The following LPP variants were observed in gnomAD, a reference collection of about 807,000 sequenced individuals.
LPP encodes lipoma-preferred partner.
LPP carries 38 observed loss-of-function variants against 60.4 expected under a neutral mutation model. That is an observed-to-expected ratio of 0.63 (90% confidence interval 0.49 to 0.83). The LOEUF (loss-of-function observed/expected upper bound fraction) is 0.83. Among genes scored for constraint, LPP ranks in the 40% least tolerant of loss-of-function variants. The pLI is 0.00. For missense variants in LPP, 902 were observed against 783.6 expected (o/e 1.15, Z -1.80); for synonymous variants, 328 against 290.8 (o/e 1.13, Z -1.30).
chr3:188,440,845 A>G (rs190384016), intron 4 of LPP, among the ~76,000 whole-genome samples: 1 of 152,248 alleles, frequency 6.6e-6, no homozygotes, highest in Non-Finnish European at 1.5e-5. Context: ...GCTGGCATAG[A>G]AAACTTTGCA....
chr3:188,799,422 T>C (rs963953341), intron 9 of LPP, among the ~76,000 whole-genome samples: 6 of 152,234 alleles, frequency 3.9e-5, no homozygotes, highest in Non-Finnish European at 8.8e-5. Context: ...GCAAGAATTG[T>C]TGAAGCTTGA....
At chr3:188,849,693 A>T (rs967371416) in intron 9 of LPP, among the ~76,000 whole-genome samples, 16 of 152,174 alleles carry the variant, frequency 1.1e-4, no homozygotes, top group Admixed American at 9.8e-4. Flanking sequence ...CTATGCTTTG[A>T]TTTTGTTTTT....
At chr3:188,763,888 T>C (rs1022286374) in intron 9 of LPP, among the ~76,000 whole-genome samples, 2 of 152,160 alleles carry the variant, frequency 1.3e-5, no homozygotes, top group Non-Finnish European at 2.9e-5. Flanking sequence ...TCTGGAGGAC[T>C]TTTGCATTAC....
chr3:188,249,562 A>C (rs1404495769), intron 2 of LPP, among the ~76,000 whole-genome samples: 3 of 152,170 alleles, frequency 2.0e-5, no homozygotes, highest in Non-Finnish European at 4.4e-5. Flanking sequence ...ATTATATGAA[A>C]TAAAATTGCT....
chr3:188,253,964 T>C (rs1273185568), intron 2 of LPP, among the ~76,000 whole-genome samples: 1 of 152,216 alleles, frequency 6.6e-6, no homozygotes, highest in East Asian at 1.9e-4. Flanking sequence ...AGGTCAAAGC[T>C]GTATTGAGTA....
At chr3:188,483,135 A>G (rs1468195707) in intron 4 of LPP, among the ~76,000 whole-genome samples, 1 of 152,160 alleles carries the variant, frequency 6.6e-6, no homozygotes, top group African/African-American at 2.4e-5. Flanking sequence ...AGTACTCGAG[A>G]GATAGTGCTT....
intron 9 of LPP, among the ~76,000 whole-genome samples, chr3:188,834,240 G>A (rs535396459): frequency 6.6e-6 from 1 of 150,458 alleles, no homozygotes; most frequent in African/African-American, 2.5e-5. Context: ...ATATAGAAAT[G>A]TGCTATTGGT....
At chr3:188,803,931 C>G (rs1171398714) in intron 9 of LPP, among the ~76,000 whole-genome samples, 1 of 151,916 alleles carries the variant, frequency 6.6e-6, no homozygotes, top group Non-Finnish European at 1.5e-5. Context: ...TCTTCCAGTT[C>G]ATGAATATAC....
At chr3:188,450,160 C>T (rs1056377896) in intron 4 of LPP, among the ~76,000 whole-genome samples, 3 of 152,186 alleles carry the variant, frequency 2.0e-5, no homozygotes, top group Non-Finnish European at 2.9e-5. Context: ...ACATATTATT[C>T]GTGTGAGTTA....
At chr3:188,498,458 G>A (rs897196618) in intron 5 of LPP, among the ~76,000 whole-genome samples, 4 of 151,888 alleles carry the variant, frequency 2.6e-5, no homozygotes, top group Non-Finnish European at 4.4e-5. Flanking sequence ...ATTTGTCTTC[G>A]CAACTGGCTT....
intron 2 of LPP, among the ~76,000 whole-genome samples, chr3:188,318,740 A>G (rs1048531552): frequency 1.3e-4 from 19 of 149,998 alleles, no homozygotes; most frequent in African/African-American, 4.4e-4. Context: ...AAAATTGAAA[A>G]AAAATTATGA....
intron 9 of LPP, among the ~76,000 whole-genome samples, chr3:188,803,601 A>G (rs937902636): frequency 6.6e-6 from 1 of 152,230 alleles, no homozygotes; most frequent in Non-Finnish European, 1.5e-5. Context: ...AATCAGATGC[A>G]TGTTACAGAC....
chr3:188,164,363 T>C (rs1193738284), intron 1 of LPP, among the ~76,000 whole-genome samples: 1 of 152,206 alleles, frequency 6.6e-6, no homozygotes, highest in Admixed American at 6.5e-5. Context: ...CGTGGAAGCC[T>C]AATGCTCTAC....
intron 5 of LPP, among the ~76,000 whole-genome samples, chr3:188,509,663 TTCCTTCCTTCCTTCCTTCCTTC>T (rs1560497300): frequency 1.9e-3 from 69 of 35,728 alleles, no homozygotes; most frequent in Admixed American, 5.2e-3. Context: ...CCTTCCTTCC[TTCCTTCCTTCCTTCCTTCCTTC>T]CTCTCTCTCT....
At chr3:188,863,473 T>C (rs1228808874) in intron 9 of LPP, among the ~76,000 whole-genome samples, 1 of 152,180 alleles carries the variant, frequency 6.6e-6, no homozygotes, top group Non-Finnish European at 1.5e-5. Flanking sequence ...TCTCAAAGTC[T>C]GCCTGCTCAC....
At position 188,615,203 on chromosome 3, in the gene LPP, A is replaced by C. The variant is rs367894530; in HGVS notation, c.1113+5359A>C. Among the ~76,000 whole-genome samples, 64 of 152,318 alleles carry C rather than the reference A, an allele frequency of 4.2e-4. 1 individual carries two copies. The East Asian group carries it at 0.01, about 24-fold the overall frequency. Reference sequence around the variant, plus strand: ...AATCCCAAACTGGATTTCTAGTTTTATCTCTCCCCAGTATCCTGGATTCCA... The same window carrying C: ...AATCCCAAACTGGATTTCTAGTTTTCTCTCTCCCCAGTATCCTGGATTCCA... On this transcript the variant is annotated intron_variant, in intron 7 of 11. Transcript: ENST00000617246.
chr3:188,250,079 A>C (rs1347375028), intron 2 of LPP, among the ~76,000 whole-genome samples: 3 of 152,098 alleles, frequency 2.0e-5, no homozygotes, highest in Non-Finnish European at 2.9e-5. Context: ...TACTGTCTGT[A>C]CTTCTCCTTT....
At chr3:188,173,102 C>T (rs970910230) in intron 1 of LPP, among the ~76,000 whole-genome samples, 9 of 152,198 alleles carry the variant, frequency 5.9e-5, no homozygotes, top group African/African-American at 2.2e-4. Flanking sequence ...CCCTTGGGCT[C>T]TAGCCATCCT....
intron 2 of LPP, among the ~76,000 whole-genome samples, chr3:188,247,938 A>G (rs1727601297): frequency 6.6e-6 from 1 of 152,196 alleles, no homozygotes; most frequent in African/African-American, 2.4e-5. Context: ...AAACTTGGCC[A>G]CATATTAAAA....
Sources: allele counts gnomAD v4.1 joint callset (sites outside exome capture counted in the v4.1 genomes callset), GRCh38; gene constraint gnomAD v4.1.1; transcripts MANE v1.5; gene names NCBI Gene and HGNC (gene_info 2026-07-23, HGNC 2026-07-21).